EBF1: variants seen among roughly 807,000 people sequenced by gnomAD.
The protein encoded by EBF1 is EBF transcription factor 1.
In EBF1, 10 loss-of-function variants were observed where a neutral mutation model predicts 68.4. The observed-to-expected ratio is 0.15, with a 90% CI of 0.09 to 0.25. The LOEUF (loss-of-function observed/expected upper bound fraction) is 0.25, where lower values mean the gene tolerates loss of function less well. Ranked by LOEUF, EBF1 falls within the 10% of genes least tolerant of loss-of-function variation. The probability of loss-of-function intolerance (pLI) is 1.00; values close to 1 mark genes in which losing one functional copy is unlikely to be tolerated. For synonymous variants in EBF1, 298 were observed against 299.8 expected, an observed-to-expected ratio of 0.99 and a Z score of 0.06; for missense variants, 509 against 794.4, an observed-to-expected ratio of 0.64 and a Z score of 4.32.
At chr5:158,903,720 G>A (rs1803947869) in intron 6 of EBF1, among the ~76,000 whole-genome samples, 2 of 152,150 alleles carry the variant, frequency 1.3e-5, no homozygotes, top group Admixed American at 1.3e-4. Flanking sequence ...GAGTCAAGAA[G>A]GGATTGCTAT....
chr5:158,751,464 C>T (rs1314492402), intron 10 of EBF1, among the ~76,000 whole-genome samples: 1 of 151,932 alleles, frequency 6.6e-6, no homozygotes, highest in African/African-American at 2.4e-5. Context: ...TGTGTCCAAG[C>T]GTCATACACT....
chr5:159,085,718 T>C (rs926579284), intron 4 of EBF1, among the ~76,000 whole-genome samples: 1 of 152,230 alleles, frequency 6.6e-6, no homozygotes, highest in African/African-American at 2.4e-5. Flanking sequence ...AATTTCTTGA[T>C]GACAAAACTA....
At chr5:158,800,958 T>C (rs1454997952) in intron 8 of EBF1, among the ~76,000 whole-genome samples, 1 of 152,162 alleles carries the variant, frequency 6.6e-6, no homozygotes, top group Non-Finnish European at 1.5e-5. Context: ...TCTTTCTTCC[T>C]CTCCAATGAA....
At chr5:159,088,700 A>C (rs1212068980) in intron 4 of EBF1, among the ~76,000 whole-genome samples, 13 of 152,162 alleles carry the variant, frequency 8.5e-5, no homozygotes, top group Non-Finnish European at 1.5e-4. Flanking sequence ...CACTATGAGG[A>C]AGGTTGTCTG....
chr5:159,073,583 T>G (rs1429144525), intron 5 of EBF1, 119 bp from the exon 6 acceptor site: 1 of 1,084,338 alleles, frequency 9.2e-7, no homozygotes, highest in African/African-American at 1.5e-5. Flanking sequence ...AAGCCATACC[T>G]GGCAATCAAC....
intron 6 of EBF1, among the ~76,000 whole-genome samples, chr5:158,929,357 G>C (rs1810365398): frequency 6.6e-6 from 1 of 152,162 alleles, no homozygotes; most frequent in Non-Finnish European, 1.5e-5. Flanking sequence ...TCTGTCCACA[G>C]TACAGATAAA....
chr5:158,813,860 G>A (rs1262226845), intron 8 of EBF1, among the ~76,000 whole-genome samples: 1 of 152,094 alleles, frequency 6.6e-6, no homozygotes, highest in African/African-American at 2.4e-5. Context: ...ATCTTAAGAA[G>A]GGTTTATGAA....
At chr5:158,832,832 G>T (rs981265636) in intron 7 of EBF1, among the ~76,000 whole-genome samples, 1 of 152,132 alleles carries the variant, frequency 6.6e-6, no homozygotes, top group African/African-American at 2.4e-5. Context: ...GCCTTTTAAT[G>T]TCATAACTCA....
intron 9 of EBF1, among the ~76,000 whole-genome samples, chr5:158,788,352 G>C (rs1463732149): frequency 6.6e-6 from 1 of 152,016 alleles, no homozygotes; most frequent in Non-Finnish European, 1.5e-5. Context: ...CAGAAAGGAG[G>C]GAAAAGGATC....
At chr5:158,972,655 G>GGAAACCTTT (rs1231052151) in intron 6 of EBF1, among the ~76,000 whole-genome samples, 2 of 152,080 alleles carry the variant, frequency 1.3e-5, no homozygotes, top group Non-Finnish European at 2.9e-5. Flanking sequence ...TTCATTGCTT[G>GGAAACCTTT]GAAACCTTCT....
At chr5:158,942,662 T>A (rs1434644298) in intron 6 of EBF1, among the ~76,000 whole-genome samples, 1 of 151,998 alleles carries the variant, frequency 6.6e-6, no homozygotes, top group Non-Finnish European at 1.5e-5. Flanking sequence ...GAAGGAGGAA[T>A]GGTCTACTAA....
intron 6 of EBF1, among the ~76,000 whole-genome samples, chr5:158,971,393 A>G (rs1036075549): frequency 1.3e-5 from 2 of 152,196 alleles, no homozygotes; most frequent in Admixed American, 6.5e-5. Context: ...ACCTTGAAGA[A>G]AAGCAAATGG....
At chr5:158,971,580 CAG>C (rs1410998526) in intron 6 of EBF1, among the ~76,000 whole-genome samples, 6 of 152,134 alleles carry the variant, frequency 3.9e-5, no homozygotes, top group African/African-American at 1.4e-4. Flanking sequence ...CACTAAAAAT[CAG>C]AGTGTTTGCC....
chr5:158,704,919 C>CGTAT (rs1398370555), intron 15 of EBF1, among the ~76,000 whole-genome samples: 2 of 152,206 alleles, frequency 1.3e-5, no homozygotes, highest in African/African-American at 4.8e-5. Flanking sequence ...TTTCTCCATC[C>CGTAT]GTATGTCCAT....
intron 6 of EBF1, among the ~76,000 whole-genome samples, chr5:159,032,905 AG>A (rs1433661759): frequency 6.6e-6 from 1 of 152,070 alleles, no homozygotes; most frequent in Non-Finnish European, 1.5e-5. Flanking sequence ...GAGAGAAGGG[AG>A]GGGAAGGAAA....
chr5:158,858,738 G>A (rs1794487312), intron 6 of EBF1, among the ~76,000 whole-genome samples: 1 of 152,096 alleles, frequency 6.6e-6, no homozygotes, highest in African/African-American at 2.4e-5. Flanking sequence ...TTTTTAAAAC[G>A]TGCCTCTATA....
chr5:158,865,488 T>C (rs1795718877), intron 6 of EBF1, among the ~76,000 whole-genome samples: 2 of 152,220 alleles, frequency 1.3e-5, no homozygotes, highest in African/African-American at 4.8e-5. Context: ...GGGCTGTGGA[T>C]GGCATATAGT....
intron 6 of EBF1, among the ~76,000 whole-genome samples, chr5:158,978,835 CAG>C (rs70987945): frequency 1.4e-5 from 2 of 147,050 alleles, no homozygotes; most frequent in African/African-American, 5.2e-5. Context: ...CACACACACA[CAG>C]AGAGAGAGTC....
chr5:158,827,799 CAT>C (rs1786523273), intron 7 of EBF1, among the ~76,000 whole-genome samples: 1 of 152,280 alleles, frequency 6.6e-6, no homozygotes, highest in Non-Finnish European at 1.5e-5. Flanking sequence ...AGCAACCCAA[CAT>C]GTTGAAATTT....
Sources: allele counts gnomAD v4.1 joint callset (sites outside exome capture counted in the v4.1 genomes callset), GRCh38; gene constraint gnomAD v4.1.1; transcripts MANE v1.5; gene names NCBI Gene and HGNC (gene_info 2026-07-23, HGNC 2026-07-21).